PKIB: variants seen among roughly 807,000 people sequenced by gnomAD.
The protein encoded by PKIB is PKI-beta.
Under a neutral mutation model 4.5 loss-of-function variants are expected in PKIB, and 2 were observed. The observed-to-expected ratio is 0.44, with a 90% CI of 0.18 to 1.39. PKIB has a LOEUF of 1.39. Ranked by LOEUF, PKIB falls within the 40% of genes most tolerant of loss-of-function variation. The pLI is 0.27. For missense variants in PKIB, 94 were observed against 92.6 expected, an observed-to-expected ratio of 1.02 and a Z score of -0.06; for synonymous variants, 38 against 36.0, an observed-to-expected ratio of 1.06 and a Z score of -0.20.
At chr6:122,670,424 CTT>C (rs1777411405) in intron 2 of PKIB, among the ~76,000 whole-genome samples, 1 of 152,122 alleles carries the variant, frequency 6.6e-6, no homozygotes, top group African/African-American at 2.4e-5. Flanking sequence ...TTTCTAAAAA[CTT>C]TTGCTGGATT....
At chr6:122,541,233 A>T (rs1202017697) in intron 2 of PKIB, among the ~76,000 whole-genome samples, 1 of 152,012 alleles carries the variant, frequency 6.6e-6, no homozygotes, top group Non-Finnish European at 1.5e-5. Context: ...TTATGATGTT[A>T]GCTGGTTATT....
chr6:122,679,553 A>T (rs1050357503), intron 3 of PKIB, among the ~76,000 whole-genome samples: 4 of 152,116 alleles, frequency 2.6e-5, no homozygotes, highest in Non-Finnish European at 4.4e-5. Context: ...GAGGATGAGA[A>T]AAGCAGTCCA....
At chr6:122,596,238 T>G (rs1391945002) in intron 3 of PKIB, among the ~76,000 whole-genome samples, 1 of 152,144 alleles carries the variant, frequency 6.6e-6, no homozygotes, top group Non-Finnish European at 1.5e-5. Flanking sequence ...CACTTACGGG[T>G]GGTGCCAGCC....
intron 2 of PKIB, among the ~76,000 whole-genome samples, chr6:122,666,159 A>G (rs1301305137): frequency 6.6e-6 from 1 of 152,166 alleles, no homozygotes; most frequent in Admixed American, 6.5e-5. Flanking sequence ...TTCCAGCCTT[A>G]GCCTTCCATG....
In PKIB at chr6:122,726,026, T is replaced by C. The variant is rs1295444331; in HGVS notation, c.*831T>C. The stretch of plus-strand genomic sequence containing the variant: ...TGTTTTTAAATAACTTCCTCAGCAA[T>C]GCAGACCTTAATTTTTATATTTTTT... On this transcript the variant is annotated 3_prime_UTR_variant, in exon 5 of 5. Transcript: ENST00000368452. The C allele has an allele frequency of 1.3e-5, 2 of 152,182 alleles. No homozygotes were observed. Among genetic ancestry groups the C allele is most frequent in the Non-Finnish European group, 2.9e-5 (2 of 68,000 alleles). The allele number at this position is 152,182 out of a possible 1,614,324, so 9.4% of individuals were successfully genotyped here. A position where few individuals can be genotyped will look rare whatever the true frequency, so the allele number is the denominator to read the frequency against.
At chr6:122,702,753 G>A (rs1778878801) in intron 3 of PKIB, among the ~76,000 whole-genome samples, 2 of 152,006 alleles carry the variant, frequency 1.3e-5, no homozygotes, top group Admixed American at 1.3e-4. Flanking sequence ...TTAAATATTG[G>A]AATTTTTCGT....
chr6:122,540,967 G>A (rs1348656652), intron 2 of PKIB, among the ~76,000 whole-genome samples: 7 of 150,858 alleles, frequency 4.6e-5, no homozygotes, highest in African/African-American at 1.7e-4. Flanking sequence ...ATCTTTGTTG[G>A]TTTAAAGTCT....
intron 3 of PKIB, among the ~76,000 whole-genome samples, chr6:122,701,898 T>A (rs1304199527): frequency 7.2e-5 from 11 of 152,068 alleles, no homozygotes; most frequent in Admixed American, 7.2e-4. Context: ...TGCAGGAGCA[T>A]GTGAGGGTTG....
intron 2 of PKIB, among the ~76,000 whole-genome samples, chr6:122,524,268 C>A (rs1020398247): frequency 6.8e-6 from 1 of 147,952 alleles, no homozygotes; most frequent in Non-Finnish European, 1.5e-5. Flanking sequence ...TCTTCCTCCT[C>A]CTCCTTCTTG....
At chr6:122,519,791 C>A in intron 2 of PKIB, among the ~76,000 whole-genome samples, 1 of 152,056 alleles carries the variant, frequency 6.6e-6, no homozygotes, top group East Asian at 1.9e-4. Flanking sequence ...AAATGTTGTC[C>A]TCAAAAACAC....
In PKIB at chr6:122,590,693, A is replaced by C. The variant is rs150658842; in HGVS notation, c.-161+4686A>C. On this transcript the variant is annotated intron_variant, in intron 3 of 6. Transcript: ENST00000392491. ...TATGAGAATTTTATCTCCATAGTGC[A>C]TTTTTCAAGTTTAGAGAAGGGCAGA... 8.4e-3 allele frequency among the ~76,000 whole-genome samples: 1,275 copies of C among 152,254 alleles called. 12 individuals are homozygous for C. The highest frequency in any genetic ancestry group is 0.014 in the Non-Finnish European group (931 of 68,024).
chr6:122,678,905 G>A (rs1402344981), intron 3 of PKIB, among the ~76,000 whole-genome samples: 2 of 152,188 alleles, frequency 1.3e-5, no homozygotes, highest in Admixed American at 6.5e-5. Flanking sequence ...AATAAAGAGA[G>A]CAAATGCAAT....
intron 2 of PKIB, among the ~76,000 whole-genome samples, chr6:122,522,865 G>T (rs917945565): frequency 2.6e-5 from 4 of 152,190 alleles, no homozygotes; most frequent in African/African-American, 9.7e-5. Flanking sequence ...TGGACATCTT[G>T]CCTGGAGATA....
chr6:122,668,607 C>T (rs1416971301), intron 2 of PKIB, among the ~76,000 whole-genome samples: 1 of 152,142 alleles, frequency 6.6e-6, no homozygotes, highest in Non-Finnish European at 1.5e-5. Context: ...CAGAAATCTT[C>T]GGTCTGACTT....
At chr6:122,689,828 T>C (rs191507072) in intron 3 of PKIB, among the ~76,000 whole-genome samples, 3 of 152,304 alleles carry the variant, frequency 2.0e-5, no homozygotes, top group Admixed American at 2.0e-4. Context: ...GTCTAGCAGA[T>C]CTGTCCAGTG....
intron 2 of PKIB, among the ~76,000 whole-genome samples, chr6:122,582,003 C>T (rs982557691): frequency 3.9e-5 from 6 of 151,950 alleles, no homozygotes; most frequent in African/African-American, 1.4e-4. Context: ...TGTTCTCTTA[C>T]AAATTTATAC....
intron 2 of PKIB, among the ~76,000 whole-genome samples, chr6:122,568,651 G>A (rs192981904): frequency 7.2e-5 from 11 of 152,308 alleles, no homozygotes; most frequent in African/African-American, 2.4e-4. Flanking sequence ...GTGAGCTCAG[G>A]AAGTGGGTTG....
rs1286355446 is a variant in PKIB at position 122,519,385 on chromosome 6, A to C, written c.-248+41446A>C. The stretch of plus-strand genomic sequence containing the variant: ...ATTGTTTCATTATATGTTACAATGT[A>C]ATAATAATATAAATAAAGTGCACAA... On this transcript the variant is annotated intron_variant, in intron 2 of 6. Coordinates refer to the PKIB transcript ENST00000392491. Among the ~76,000 whole-genome samples, 3 of 152,266 alleles carry C rather than the reference A, an allele frequency of 2.0e-5. No individual in the cohort carries two copies. The East Asian group carries it at 5.8e-4, about 29-fold the overall frequency.
chr6:122,570,341 C>T (rs186431967), intron 2 of PKIB, among the ~76,000 whole-genome samples: 2 of 152,274 alleles, frequency 1.3e-5, no homozygotes, highest in African/African-American at 2.4e-5. Context: ...AAGGCTGGGA[C>T]GTCTGCCCAC....
Sources: gnomAD v4.1 joint callset for allele counts (sites outside exome capture counted in the v4.1 genomes callset) on GRCh38, gnomAD v4.1.1 for gene constraint, MANE v1.5 for transcripts, NCBI Gene and HGNC (gene_info 2026-07-23, HGNC 2026-07-21) for gene names.